The following TMEM232 variants were observed in gnomAD, a reference collection of about 807,000 sequenced individuals.
The protein encoded by TMEM232 is transmembrane protein 232.
Under a neutral mutation model 78.8 loss-of-function variants are expected in TMEM232, and 80 were observed. The observed-to-expected ratio is 1.01, with a 90% CI of 0.85 to 1.22. TMEM232 has a LOEUF of 1.22. TMEM232 is among the 50% of genes most tolerant of loss of function. The pLI is 0.00. For synonymous variants in TMEM232, 297 were observed against 254.3 expected (o/e 1.17, Z -1.60); for missense variants, 881 against 742.2 (o/e 1.19, Z -2.17).
intron 12 of TMEM232, among the ~76,000 whole-genome samples, chr5:110,498,628 T>TA (rs1447191272): frequency 6.6e-6 from 1 of 152,150 alleles, no homozygotes; most frequent in Non-Finnish European, 1.5e-5. Context: ...GGTGATAACA[T>TA]AAACATTTAT....
At chr5:110,610,235 A>AAAGGAAGGAAGGGAGG (rs1476476891) in intron 8 of TMEM232, among the ~76,000 whole-genome samples, 44 of 43,906 alleles carry the variant, frequency 1.0e-3, no homozygotes, top group African/African-American at 2.6e-3. Context: ...AGGGAAAAAG[A>AAAGGAAGGAAGGGAGG]AAGGAAGGAA....
chr5:110,738,259 C>T (rs1217379670), upstream of TMEM232: 3 of 1,285,738 alleles, frequency 2.3e-6, no homozygotes, highest in African/African-American at 1.5e-5. Context: ...TAGTAGGGGA[C>T]GCTCTACAGT....
At chr5:110,509,257 T>C (rs1767400670) in intron 12 of TMEM232, among the ~76,000 whole-genome samples, 1 of 151,298 alleles carries the variant, frequency 6.6e-6, no homozygotes, top group African/African-American at 2.4e-5. Flanking sequence ...CAGCAACACT[T>C]TGTCTGTACA....
chr5:110,424,001 G>T (rs1009113282), intron 13 of TMEM232, among the ~76,000 whole-genome samples: 1 of 152,014 alleles, frequency 6.6e-6, no homozygotes, highest in Non-Finnish European at 1.5e-5. Flanking sequence ...TGCAGCTCTC[G>T]TTTTGTCATT....
At chr5:110,677,206 A>C (rs578113052) in intron 1 of TMEM232, among the ~76,000 whole-genome samples, 1 of 152,082 alleles carries the variant, frequency 6.6e-6, no homozygotes, top group Non-Finnish European at 1.5e-5. Context: ...AGAAATGTCT[A>C]TACAGGTTCT....
At chr5:110,501,291 T>C (rs1365222663) in intron 12 of TMEM232, among the ~76,000 whole-genome samples, 2 of 152,160 alleles carry the variant, frequency 1.3e-5, no homozygotes, top group Non-Finnish European at 2.9e-5. Flanking sequence ...TTAACCTCTT[T>C]GAAGAGATAA....
intron 2 of TMEM232, among the ~76,000 whole-genome samples, chr5:110,665,003 T>C (rs926020444): frequency 6.6e-6 from 1 of 152,194 alleles, no homozygotes; most frequent in South Asian, 2.1e-4. Context: ...TACTCTACTC[T>C]TTGTGAATTG....
intron 10 of TMEM232, among the ~76,000 whole-genome samples, chr5:110,594,464 T>A (rs1779907389): frequency 6.6e-6 from 1 of 152,062 alleles, no homozygotes; most frequent in Non-Finnish European, 1.5e-5. Context: ...AGAACTGTTC[T>A]CTAACCTGGA....
At chr5:110,595,854 A>G (rs1258117859) in intron 10 of TMEM232, among the ~76,000 whole-genome samples, 1 of 152,196 alleles carries the variant, frequency 6.6e-6, no homozygotes, top group Middle Eastern at 3.2e-3. Flanking sequence ...AACACACTTC[A>G]GGATATTATC....
chr5:110,464,257 A>G (rs1401922736), intron 12 of TMEM232, among the ~76,000 whole-genome samples: 3 of 152,204 alleles, frequency 2.0e-5, no homozygotes, highest in African/African-American at 7.2e-5. Context: ...GTAGATATTT[A>G]ATATTTATCA....
At chr5:110,733,362 T>C (rs1169089281) in intron 2 of TMEM232, among the ~76,000 whole-genome samples, 1 of 152,120 alleles carries the variant, frequency 6.6e-6, no homozygotes, top group Non-Finnish European at 1.5e-5. Flanking sequence ...CAAAGGAATA[T>C]AAATCATTCT....
intron 1 of TMEM232, among the ~76,000 whole-genome samples, chr5:110,698,772 A>G (rs764872599): frequency 2.0e-5 from 3 of 152,110 alleles, no homozygotes; most frequent in Non-Finnish European, 4.4e-5. Flanking sequence ...GCTACGAAGA[A>G]AGGAAAGAAA....
In TMEM232 at chr5:110,628,041, A is replaced by G. The variant is rs142067108; in HGVS notation, c.502-161T>C. Among the ~76,000 whole-genome samples the G allele has an allele frequency of 1.0e-2, 1,520 of 152,238 alleles. 33 individuals carry two copies. The highest frequency in any genetic ancestry group is 0.034 in the African/African-American group (1,419 of 41,568). ...TTTTAAATAACATTAAAACATTTAT[A>G]TCAAGATTGAAATGCTAGTTCAGCC... On this transcript the variant is annotated intron_variant, in intron 5 of 13. Coordinates refer to ENST00000455884, the MANE Select transcript of TMEM232 (RefSeq NM_001039763.4).
intron 9 of TMEM232, 106 bp from the exon 10 acceptor site, chr5:110,605,464 A>G (rs1190102207): frequency 7.9e-7 from 1 of 1,269,658 alleles, no homozygotes; most frequent in Non-Finnish European, 1.0e-6. Flanking sequence ...AAACTAATAT[A>G]TCTAAATGTG....
chr5:110,720,465 G>A (rs986408551), intron 1 of TMEM232: 6 of 152,190 alleles, frequency 3.9e-5, no homozygotes, highest in African/African-American at 7.2e-5. Flanking sequence ...ACCCTTGATT[G>A]GAAGCTTAGG....
chr5:110,616,974 A>G (rs1341129911), intron 8 of TMEM232, among the ~76,000 whole-genome samples: 1 of 152,202 alleles, frequency 6.6e-6, no homozygotes, highest in Non-Finnish European at 1.5e-5. Context: ...AGATAACTGA[A>G]CTACGTTCAT....
chr5:110,684,711 T>C (rs1793175815), intron 1 of TMEM232: 1 of 152,152 alleles, frequency 6.6e-6, no homozygotes, highest in South Asian at 2.1e-4. Context: ...CAAATGGACA[T>C]ATAGAGAATT....
At chr5:110,549,590 C>A (rs1271718074) in intron 11 of TMEM232, among the ~76,000 whole-genome samples, 1 of 123,714 alleles carries the variant, frequency 8.1e-6, no homozygotes, top group East Asian at 2.4e-4. Flanking sequence ...TAGGCAACAG[C>A]GCAAGTCCCT....
chr5:110,430,488 C>G (rs1011734785), intron 12 of TMEM232, among the ~76,000 whole-genome samples: 3 of 151,518 alleles, frequency 2.0e-5, no homozygotes, highest in African/African-American at 7.3e-5. Flanking sequence ...AAAATATATG[C>G]AGTTTCAAAA....
Sources: allele counts gnomAD v4.1 joint callset (sites outside exome capture counted in the v4.1 genomes callset), GRCh38; gene constraint gnomAD v4.1.1; transcripts MANE v1.5; gene names NCBI Gene and HGNC (gene_info 2026-07-23, HGNC 2026-07-21).